Variants in APBB1IP observed in about 807,000 individuals in gnomAD.
APBB1IP encodes amyloid beta precursor protein binding family B member 1 interacting protein.
APBB1IP carries 27 observed loss-of-function variants against 64.9 expected under a neutral mutation model. The observed-to-expected ratio is 0.42, with a 90% CI of 0.31 to 0.57. The LOEUF is 0.57. APBB1IP is among the 20% of genes least tolerant of loss of function. APBB1IP has a pLI of 0.20. For missense variants in APBB1IP, 812 were observed against 845.5 expected, an observed-to-expected ratio of 0.96 and a Z score of 0.49; for synonymous variants, 392 against 331.0, an observed-to-expected ratio of 1.18 and a Z score of -2.00.
chr10:26,538,882 A>G (rs1836662203), intron 10 of APBB1IP, among the ~76,000 whole-genome samples: 1 of 152,218 alleles, frequency 6.6e-6, no homozygotes, highest in Non-Finnish European at 1.5e-5. Flanking sequence ...AAAACATTAG[A>G]TAAAAACAGC....
chr10:26,553,622 C>A (rs1836859610), intron 11 of APBB1IP, among the ~76,000 whole-genome samples: 2 of 152,154 alleles, frequency 1.3e-5, no homozygotes, highest in Non-Finnish European at 2.9e-5. Flanking sequence ...TGCACCACTG[C>A]ACTCCAGCCT....
chr10:26,557,336 ATGTC>A lies in APBB1IP; in HGVS notation c.1156-2765_1156-2762del, dbSNP rs1392067967. Among the ~76,000 whole-genome samples the A allele has an allele frequency of 5.4e-4, 83 of 152,352 alleles. 2 individuals carry two copies. The highest frequency in any genetic ancestry group is 3.7e-4 in the Non-Finnish European group (25 of 68,032). On this transcript the variant is annotated intron_variant, in intron 11 of 14. Coordinates refer to ENST00000376236, the MANE Select transcript of APBB1IP (RefSeq NM_019043.4). ...GAAGTTCTCACCGTCGGTAGAGAGA[ATGTC>A]TGTGTTCCTGTTTGCTATGCCCAAG...
At position 26,500,977 on chromosome 10, in the gene APBB1IP, G is replaced by A; in HGVS notation, c.319G>A (p.Ala107Thr). 6.2e-7 allele frequency: 1 copy of A among 1,614,184 alleles called. No homozygotes were observed. The highest frequency in any genetic ancestry group is 8.5e-7 in the Non-Finnish European group (1 of 1,180,038). ...ASLQASIFSGAASLGYGTNVA... is the reference protein window; with the variant it reads ...ASLQASIFSGTASLGYGTNVA... ...TCTACAAGCATCAATTTTCAGTGGTGCAGCCTCTCTTGGTTATGGAACAAA... is the reference window on the plus strand; with the variant it reads ...TCTACAAGCATCAATTTTCAGTGGTACAGCCTCTCTTGGTTATGGAACAAA... The change falls in exon 5 of 15, where the codon GCA becomes ACA. Residue 107 changes from alanine (A) to threonine (T), a missense_variant. This residue lies in a region of APBB1IP where 394 missense variants were observed against 413.1 expected (regional missense o/e 0.95). Coordinates refer to ENST00000376236, the MANE Select transcript of APBB1IP (RefSeq NM_019043.4).
chr10:26,469,249 T>C (rs1317841244), intron 2 of APBB1IP, among the ~76,000 whole-genome samples: 2 of 142,394 alleles, frequency 1.4e-5, no homozygotes, highest in South Asian at 2.2e-4. Flanking sequence ...TCTTTCCTTC[T>C]TTTCTTTTCT....
At chr10:26,482,722 G>A (rs1031463169) in intron 2 of APBB1IP, among the ~76,000 whole-genome samples, 14 of 152,020 alleles carry the variant, frequency 9.2e-5, no homozygotes, top group African/African-American at 2.9e-4. Flanking sequence ...TACTTGGAGA[G>A]CCTCAGATTT....
intron 2 of APBB1IP, among the ~76,000 whole-genome samples, chr10:26,482,924 GAAA>G (rs35279566): frequency 2.1e-4 from 27 of 130,074 alleles, no homozygotes; most frequent in Middle Eastern, 3.7e-3. Flanking sequence ...TTTCTCAAGT[GAAA>G]AAAAAAAAAA....
intron 2 of APBB1IP, among the ~76,000 whole-genome samples, chr10:26,448,234 G>A (rs935490341): frequency 6.6e-6 from 1 of 151,402 alleles, no homozygotes; most frequent in Non-Finnish European, 1.5e-5. Flanking sequence ...TAGAGATGAG[G>A]GTCTCACCAT....
intron 11 of APBB1IP, among the ~76,000 whole-genome samples, chr10:26,557,207 A>G (rs1011595786): frequency 2.0e-5 from 3 of 152,244 alleles, no homozygotes; most frequent in African/African-American, 7.2e-5. Context: ...GGGAGTAAGC[A>G]TTGAACCGCC....
intron 4 of APBB1IP, among the ~76,000 whole-genome samples, chr10:26,499,052 C>G (rs966547090): frequency 6.6e-6 from 1 of 152,022 alleles, no homozygotes; most frequent in African/African-American, 2.4e-5. Flanking sequence ...TCACTTAATC[C>G]CAGGAGTTTG....
At position 26,567,673 on chromosome 10, in the gene APBB1IP, C is replaced by T. The variant is rs1837075501; in HGVS notation, c.*185C>T. 1 of 1,315,790 alleles carries T rather than the reference C, an allele frequency of 7.6e-7. No homozygotes were observed. Among genetic ancestry groups the T allele is most frequent in the Non-Finnish European group, 9.9e-7 (1 of 1,014,084 alleles). 81.5% of individuals were successfully genotyped at this position (1,315,790 alleles called of 1,614,324 possible). On this transcript the variant is annotated 3_prime_UTR_variant, in exon 15 of 15. Transcript: ENST00000376236. ...AGTTCAGAATATCTGCCCAAATGTA[C>T]ATATCGTTCCCATGTATTTTAACCT...
At chr10:26,548,235 G>T (rs1451864016) in intron 11 of APBB1IP, among the ~76,000 whole-genome samples, 1 of 151,918 alleles carries the variant, frequency 6.6e-6, no homozygotes, top group Non-Finnish European at 1.5e-5. Context: ...TGTGCACAAC[G>T]TGCAGGTTAG....
At chr10:26,442,597 A>T (rs1835349281) in intron 2 of APBB1IP, among the ~76,000 whole-genome samples, 1 of 152,234 alleles carries the variant, frequency 6.6e-6, no homozygotes, top group South Asian at 2.1e-4. Context: ...GAAACAAAAA[A>T]TGATATTAGA....
In APBB1IP at chr10:26,567,260, A is replaced by G; in HGVS notation, c.1773A>G (p.Ala591=). ...TGCCCCCGCCCCCGCCGTCGTACGC[A>G]GGGATCGCGGGCTCAGAGCTGCCCC... ...DFVPPPPPSY[A]GIAGSELPPP... is the part of the protein sequence containing the mutation. The change falls in exon 15 of 15, where the codon GCA becomes GCG. Residue 591 remains alanine, a synonymous_variant. Transcript: ENST00000376236. 7.8e-7 allele frequency: 1 copy of G among 1,275,574 alleles called. No homozygotes were observed. Among genetic ancestry groups the G allele is most frequent in the East Asian group, 3.8e-5 (1 of 26,552 alleles). The allele number at this position is 1,275,574 out of a possible 1,614,324, so 79.0% of individuals were successfully genotyped here.
At chr10:26,438,543 G>C (rs191245059) in intron 1 of APBB1IP, 88 bp downstream of exon 1, 4 of 152,278 alleles carry the variant, frequency 2.6e-5, no homozygotes. Flanking sequence ...TGTAGTAGGG[G>C]TGGGATGGGG....
chr10:26,487,996 A>C (rs970882851), intron 2 of APBB1IP, among the ~76,000 whole-genome samples: 6 of 152,222 alleles, frequency 3.9e-5, no homozygotes, highest in African/African-American at 1.4e-4. Flanking sequence ...AACACCAATA[A>C]TTACTCTTAA....
At position 26,449,902 on chromosome 10, in the gene APBB1IP, G is replaced by A. The variant is rs555963967; in HGVS notation, c.-1+11049G>A. Among the ~76,000 whole-genome samples the A allele has an allele frequency of 8.1e-4, 123 of 152,174 alleles. 1 individual carries two copies. The highest frequency in any genetic ancestry group is 6.8e-3 in the Middle Eastern group (2 of 294). Reference sequence around the variant, plus strand: ...TTCTCCTGTGGTCTCAGCTACTTGGGAGGCTGAAGCAGGAGGATTAATTGA... The same window carrying A: ...TTCTCCTGTGGTCTCAGCTACTTGGAAGGCTGAAGCAGGAGGATTAATTGA... On this transcript the variant is annotated intron_variant, in intron 2 of 14. Transcript: ENST00000376236.
intron 5 of APBB1IP, 116 bp downstream of exon 5, chr10:26,501,227 A>T (rs777006446): frequency 6.9e-7 from 1 of 1,459,074 alleles, no homozygotes; most frequent in Non-Finnish European, 9.4e-7. Context: ...TGAGATACTA[A>T]AAAACAAAGA....
chr10:26,515,227 T>C (rs574585903), intron 8 of APBB1IP, among the ~76,000 whole-genome samples: 1 of 152,234 alleles, frequency 6.6e-6, no homozygotes, highest in East Asian at 1.9e-4. Flanking sequence ...CCATCTAAAT[T>C]GCTGTAGCAA....
intron 8 of APBB1IP, among the ~76,000 whole-genome samples, chr10:26,522,462 G>A (rs759306831): frequency 2.0e-5 from 3 of 151,990 alleles, no homozygotes; most frequent in Non-Finnish European, 2.9e-5. Context: ...ATTTTATATT[G>A]TTCCTTTTTT....
Sources: gnomAD v4.1 joint callset for allele counts (sites outside exome capture counted in the v4.1 genomes callset) on GRCh38, gnomAD v4.1.1 for gene constraint, gnomAD v4.1.1 regional missense constraint, MANE v1.5 for transcripts, NCBI Gene and HGNC (gene_info 2026-07-23, HGNC 2026-07-21) for gene names.